Variants in HS2ST1 observed in about 807,000 individuals in gnomAD.
HS2ST1 encodes the protein heparan sulfate 2-O-sulfotransferase 1, also known as 2-O-sulfotransferase.
Under a neutral mutation model 42.9 loss-of-function variants are expected in HS2ST1, and 18 were observed. The ratio of observed to expected loss-of-function variants is 0.42; its 90% CI spans 0.29 to 0.62. The LOEUF (loss-of-function observed/expected upper bound fraction) is 0.62. Ranked by LOEUF, HS2ST1 falls within the 20% of genes least tolerant of loss-of-function variation. HS2ST1 has a pLI of 0.21. For missense variants in HS2ST1, 334 were observed against 433.8 expected, an observed-to-expected ratio of 0.77 and a Z score of 2.04; for synonymous variants, 146 against 152.9, an observed-to-expected ratio of 0.95 and a Z score of 0.33.
intron 1 of HS2ST1, among the ~76,000 whole-genome samples, chr1:86,949,788 T>C (rs1647448564): frequency 1.3e-5 from 2 of 152,228 alleles, no homozygotes; most frequent in African/African-American, 2.4e-5. Context: ...TTCTAAGCTA[T>C]GTTTTCAGTT....
At chr1:87,035,997 G>A (rs763803670) in intron 1 of HS2ST1, among the ~76,000 whole-genome samples, 2 of 151,264 alleles carry the variant, frequency 1.3e-5, no homozygotes, top group South Asian at 4.2e-4. Flanking sequence ...GACAGGCCCC[G>A]ATGTGTGATG....
intron 1 of HS2ST1, among the ~76,000 whole-genome samples, chr1:86,958,078 C>CATCACA (rs1647726101): frequency 2.0e-5 from 3 of 152,188 alleles, no homozygotes; most frequent in African/African-American, 4.8e-5. Context: ...AGGCATGAGC[C>CATCACA]ATCACACCCA....
chr1:86,952,701 C>A, intron 1 of HS2ST1, among the ~76,000 whole-genome samples: 1 of 152,174 alleles, frequency 6.6e-6, no homozygotes, highest in East Asian at 1.9e-4. Flanking sequence ...TGAGAGGAAT[C>A]TTTTTTCCTG....
intron 2 of HS2ST1, among the ~76,000 whole-genome samples, chr1:87,079,340 G>A (rs1651625610): frequency 6.6e-6 from 1 of 152,060 alleles, no homozygotes; most frequent in Non-Finnish European, 1.5e-5. Context: ...GTTTTACCAT[G>A]TTGCCTTGGC....
chr1:87,022,115 G>A (rs1265033450), intron 1 of HS2ST1, among the ~76,000 whole-genome samples: 1 of 152,094 alleles, frequency 6.6e-6, no homozygotes, highest in Non-Finnish European at 1.5e-5. Context: ...TGTGTTGACA[G>A]AGATTATTTT....
chr1:87,095,823 A>C (rs1652046929), intron 4 of HS2ST1, among the ~76,000 whole-genome samples: 1 of 152,170 alleles, frequency 6.6e-6, no homozygotes, highest in Non-Finnish European at 1.5e-5. Context: ...ATATTAAAAC[A>C]ATAGTAAAGC....
At chr1:87,005,595 G>A (rs1009141092) in intron 1 of HS2ST1, among the ~76,000 whole-genome samples, 1 of 152,112 alleles carries the variant, frequency 6.6e-6, no homozygotes, top group Non-Finnish European at 1.5e-5. Flanking sequence ...TTAAATGAAT[G>A]TATACATTTT....
intron 1 of HS2ST1, among the ~76,000 whole-genome samples, chr1:87,051,380 T>A (rs1650827434): frequency 6.6e-6 from 1 of 152,206 alleles, no homozygotes; most frequent in African/African-American, 2.4e-5. Context: ...CCATTAATTT[T>A]ATCAACCCAT....
intron 1 of HS2ST1, among the ~76,000 whole-genome samples, chr1:86,921,273 A>G (rs1660290290): frequency 6.6e-6 from 1 of 151,418 alleles, no homozygotes; most frequent in Non-Finnish European, 1.5e-5. Context: ...ATAATTGTGG[A>G]TTTGTCTGTT....
intron 1 of HS2ST1, among the ~76,000 whole-genome samples, chr1:87,002,390 C>T (rs1434600968): frequency 1.3e-5 from 2 of 151,990 alleles, no homozygotes; most frequent in African/African-American, 4.8e-5. Context: ...TCCAGGAGTT[C>T]CAGACCAGCC....
At chr1:86,920,697 A>G (rs990650057) in intron 1 of HS2ST1, among the ~76,000 whole-genome samples, 4 of 152,204 alleles carry the variant, frequency 2.6e-5, no homozygotes, top group African/African-American at 9.6e-5. Flanking sequence ...TGAAGGATGT[A>G]CTTATAGATG....
At chr1:87,085,663 G>A (rs1651800874) in intron 3 of HS2ST1, among the ~76,000 whole-genome samples, 1 of 152,150 alleles carries the variant, frequency 6.6e-6, no homozygotes, top group Non-Finnish European at 1.5e-5. Context: ...CTTCGTTCAT[G>A]TGCATATTTT....
Position 86,995,802 on chromosome 1 carries a change from A to G in HS2ST1, c.125-77132A>G, listed in dbSNP as rs544333078. On this transcript the variant is annotated intron_variant, in intron 1 of 6. Coordinates refer to ENST00000370550, the MANE Select transcript of HS2ST1 (RefSeq NM_012262.4). ...TAGCAAAAAAAAATAAGTAAATAAG[A>G]CAATTTCATTGACTAGTAAGTGCTA... Among the ~76,000 whole-genome samples, 6 of 152,268 alleles carry G rather than the reference A, an allele frequency of 3.9e-5. No individual in the cohort carries two copies. The South Asian group carries it at 1.2e-3, about 32-fold the overall frequency.
chr1:87,037,041 C>T (rs1056620388), intron 1 of HS2ST1, among the ~76,000 whole-genome samples: 9 of 151,876 alleles, frequency 5.9e-5, no homozygotes, highest in East Asian at 1.9e-4. Flanking sequence ...CCTGTTCTAA[C>T]GAAGTGAATA....
intron 1 of HS2ST1, among the ~76,000 whole-genome samples, chr1:86,983,755 T>C (rs920221694): frequency 7.9e-5 from 12 of 151,258 alleles, no homozygotes; most frequent in Admixed American, 5.9e-4. Context: ...AAAAAAAATT[T>C]GGCAAGGCAA....
chr1:87,001,513 A>T (rs1229802731), intron 1 of HS2ST1, among the ~76,000 whole-genome samples: 1 of 152,270 alleles, frequency 6.6e-6, no homozygotes, highest in Admixed American at 6.5e-5. Flanking sequence ...CTGAAAATTA[A>T]AAGAGCCTTC....
intron 1 of HS2ST1, among the ~76,000 whole-genome samples, chr1:86,937,564 G>A (rs1660682236): frequency 6.6e-6 from 1 of 152,224 alleles, no homozygotes; most frequent in Middle Eastern, 3.4e-3. Context: ...AGAGGCCTTG[G>A]TTTTACTCAG....
chr1:86,982,989 T>A lies in HS2ST1; in HGVS notation c.124+67829T>A, dbSNP rs1043188970. Among the ~76,000 whole-genome samples the A allele has an allele frequency of 1.4e-3, 216 of 152,318 alleles. 5 individuals are homozygous for A. Among genetic ancestry groups the A allele is most frequent in the Non-Finnish European group, 3.1e-4 (21 of 68,022 alleles). On this transcript the variant is annotated intron_variant, in intron 1 of 6. Coordinates refer to ENST00000370550, the MANE Select transcript of HS2ST1 (RefSeq NM_012262.4). ...GCTTCAATATCCAATAAATTACTCG[T>A]CTGCATCTGAGACCACCTCAGCCTG...
At chr1:87,084,908 G>T (rs1314782841) in intron 3 of HS2ST1, among the ~76,000 whole-genome samples, 11 of 151,572 alleles carry the variant, frequency 7.3e-5, no homozygotes, top group Admixed American at 7.2e-4. Context: ...GCCTCCCAAA[G>T]TGCTGGGATT....
Sources: allele counts gnomAD v4.1 joint callset (sites outside exome capture counted in the v4.1 genomes callset), GRCh38; gene constraint gnomAD v4.1.1; transcripts MANE v1.5; gene names NCBI Gene and HGNC (gene_info 2026-07-23, HGNC 2026-07-21).